KCNIP4: variants seen among roughly 807,000 people sequenced by gnomAD.
KCNIP4 encodes Kv channel-interacting protein 4.
In KCNIP4, 12 loss-of-function variants were observed where a neutral mutation model predicts 34.0. The ratio of observed to expected loss-of-function variants is 0.35; its 90% confidence interval spans 0.23 to 0.57. The LOEUF is 0.57. Ranked by LOEUF, KCNIP4 falls within the 20% of genes least tolerant of loss-of-function variation. The pLI is 0.83. For synonymous variants in KCNIP4, 124 were observed against 102.2 expected, an observed-to-expected ratio of 1.21 and a Z score of -1.29; for missense variants, 238 against 311.7, an observed-to-expected ratio of 0.76 and a Z score of 1.78.
At chr4:21,112,300 T>G (rs1297101136) in intron 1 of KCNIP4, among the ~76,000 whole-genome samples, 1 of 152,172 alleles carries the variant, frequency 6.6e-6, no homozygotes, top group Non-Finnish European at 1.5e-5. Flanking sequence ...TCTGCAGCGT[T>G]GGACTTTTGG....
intron 1 of KCNIP4, among the ~76,000 whole-genome samples, chr4:21,260,493 G>T (rs962053206): frequency 6.6e-5 from 10 of 152,164 alleles, no homozygotes; most frequent in African/African-American, 2.4e-4. Context: ...ACACTTGGAT[G>T]TAGGGCTTGA....
At chr4:21,655,196 T>G (rs779946790) in intron 1 of KCNIP4, among the ~76,000 whole-genome samples, 1 of 152,072 alleles carries the variant, frequency 6.6e-6, no homozygotes, top group Non-Finnish European at 1.5e-5. Context: ...TTTTGCATAA[T>G]GAAATTCCAC....
intron 1 of KCNIP4, among the ~76,000 whole-genome samples, chr4:21,014,401 C>T (rs1739324264): frequency 6.6e-6 from 1 of 152,154 alleles, no homozygotes; most frequent in African/African-American, 2.4e-5. Flanking sequence ...ATCACCTCGC[C>T]TTAAAGGAAA....
At chr4:20,763,814 T>C (rs1755157183) in intron 3 of KCNIP4, among the ~76,000 whole-genome samples, 1 of 152,188 alleles carries the variant, frequency 6.6e-6, no homozygotes, top group Non-Finnish European at 1.5e-5. Context: ...TGCCTTGGCC[T>C]GCCAAAGTGC....
chr4:20,760,342 A>G (rs1471603039), intron 3 of KCNIP4, among the ~76,000 whole-genome samples: 4 of 152,152 alleles, frequency 2.6e-5, no homozygotes, highest in Admixed American at 2.0e-4. Flanking sequence ...TGTGTACTCT[A>G]AATTTGATAC....
At chr4:21,050,222 A>C (rs1463969628) in intron 1 of KCNIP4, among the ~76,000 whole-genome samples, 1 of 152,220 alleles carries the variant, frequency 6.6e-6, no homozygotes, top group Non-Finnish European at 1.5e-5. Context: ...TAATCACAAG[A>C]TCGTTATACT....
At chr4:21,543,590 T>A (rs1451699520) in intron 1 of KCNIP4, among the ~76,000 whole-genome samples, 1 of 152,180 alleles carries the variant, frequency 6.6e-6, no homozygotes. Context: ...ATATGTCAGC[T>A]GTGAAAATAA....
At chr4:20,901,219 A>G (rs1727122163) in intron 1 of KCNIP4, among the ~76,000 whole-genome samples, 1 of 152,244 alleles carries the variant, frequency 6.6e-6, no homozygotes, top group Non-Finnish European at 1.5e-5. Flanking sequence ...GAAAAAGTTT[A>G]GGAAACAGAA....
intron 1 of KCNIP4, among the ~76,000 whole-genome samples, chr4:21,567,668 C>G (rs1740018272): frequency 6.6e-6 from 1 of 152,104 alleles, no homozygotes; most frequent in Non-Finnish European, 1.5e-5. Context: ...AATACATAAA[C>G]CATCTGAAAT....
At chr4:20,828,684 A>G (rs1718061301) in intron 3 of KCNIP4, among the ~76,000 whole-genome samples, 1 of 152,188 alleles carries the variant, frequency 6.6e-6, no homozygotes, top group South Asian at 2.1e-4. Context: ...TGGTTTTCTA[A>G]GCAGACTGTG....
At chr4:21,824,675 T>C (rs757712699) in intron 1 of KCNIP4, among the ~76,000 whole-genome samples, 5 of 152,160 alleles carry the variant, frequency 3.3e-5, no homozygotes, top group Non-Finnish European at 7.4e-5. Flanking sequence ...ATTTGAGTAA[T>C]AAAACTCTGG....
At chr4:21,342,126 A>C (rs1225941448) in intron 1 of KCNIP4, among the ~76,000 whole-genome samples, 1 of 152,136 alleles carries the variant, frequency 6.6e-6, no homozygotes, top group Non-Finnish European at 1.5e-5. Flanking sequence ...TTCCCCCTGC[A>C]TAAGCTAGCT....
chr4:21,602,752 C>T (rs1210543046), intron 1 of KCNIP4, among the ~76,000 whole-genome samples: 1 of 152,060 alleles, frequency 6.6e-6, no homozygotes, highest in Non-Finnish European at 1.5e-5. Context: ...TGTAACTGTA[C>T]TTACCTAAAT....
chr4:20,731,369 A>G, intron 8 of KCNIP4: 13 of 983,258 alleles, frequency 1.3e-5, no homozygotes, highest in Non-Finnish European at 1.6e-5. Flanking sequence ...CTACTGTACC[A>G]GGCCTTAACA....
At chr4:21,380,252 T>A (rs1250114940) in intron 1 of KCNIP4, among the ~76,000 whole-genome samples, 1 of 152,128 alleles carries the variant, frequency 6.6e-6, no homozygotes, top group African/African-American at 2.4e-5. Flanking sequence ...CTTCCTAAGA[T>A]AATACTATGT....
chr4:20,923,859 AT>A lies in KCNIP4; in HGVS notation c.62-41151del, dbSNP rs912422165. Among the ~76,000 whole-genome samples, 1,444 of 150,768 alleles carry A rather than the reference AT, an allele frequency of 9.6e-3. 30 individuals are homozygous for A. Among genetic ancestry groups the A allele is most frequent in the African/African-American group, 0.032 (1,303 of 41,114 alleles). Reference sequence around the variant, plus strand: ...CACTCCACTTTAACATTGCATTAAAATTTTTTTTTTCAAAGTTCAATGGACT... The same window carrying A: ...CACTCCACTTTAACATTGCATTAAAATTTTTTTTTCAAAGTTCAATGGACT... On this transcript the variant is annotated intron_variant, in intron 1 of 8. Coordinates refer to ENST00000382152, the MANE Select transcript of KCNIP4 (RefSeq NM_025221.6).
At chr4:21,215,908 C>T (rs535846290) in intron 1 of KCNIP4, among the ~76,000 whole-genome samples, 7 of 152,172 alleles carry the variant, frequency 4.6e-5, no homozygotes, top group Non-Finnish European at 1.0e-4. Context: ...CCTCAACCTC[C>T]TAGCCCAAGC....
At chr4:21,682,322 A>G (rs1193271457) in intron 1 of KCNIP4, among the ~76,000 whole-genome samples, 1 of 152,104 alleles carries the variant, frequency 6.6e-6, no homozygotes, top group African/African-American at 2.4e-5. Flanking sequence ...CCCACCTCCA[A>G]CACTGGGGAT....
At chr4:21,299,811 C>T (rs1764055238) in intron 1 of KCNIP4, among the ~76,000 whole-genome samples, 1 of 152,130 alleles carries the variant, frequency 6.6e-6, no homozygotes, top group East Asian at 1.9e-4. Context: ...CTGTCAACAG[C>T]ACAGCAGAAT....
Sources: gnomAD v4.1 joint callset for allele counts (sites outside exome capture counted in the v4.1 genomes callset) on GRCh38, gnomAD v4.1.1 for gene constraint, MANE v1.5 for transcripts, NCBI Gene and HGNC (gene_info 2026-07-23, HGNC 2026-07-21) for gene names.